Variants in DLGAP2 observed in about 807,000 individuals in gnomAD.
The protein encoded by DLGAP2 is disks large-associated protein 2.
In DLGAP2, 26 loss-of-function variants were observed where a neutral mutation model predicts 100.3. The ratio of observed to expected loss-of-function variants is 0.26; its 90% CI spans 0.19 to 0.36. The LOEUF (loss-of-function observed/expected upper bound fraction) is 0.36. DLGAP2 is among the 10% of genes least tolerant of loss of function. The pLI, the probability that DLGAP2 is intolerant of heterozygous loss-of-function variation, is 1.00. For synonymous variants in DLGAP2, 886 were observed against 630.1 expected, an observed-to-expected ratio of 1.41 and a Z score of -6.08; for missense variants, 1,858 against 1,453.2, an observed-to-expected ratio of 1.28 and a Z score of -4.53.
At chr8:1,165,337 C>T (rs1484840416) in intron 2 of DLGAP2, among the ~76,000 whole-genome samples, 1 of 152,162 alleles carries the variant, frequency 6.6e-6, no homozygotes, top group Admixed American at 6.5e-5. Flanking sequence ...AGCATCAGCC[C>T]TCAGGGCCCC....
chr8:1,504,388 A>T (rs1055938522), intron 4 of DLGAP2, among the ~76,000 whole-genome samples: 1 of 152,186 alleles, frequency 6.6e-6, no homozygotes, highest in African/African-American at 2.4e-5. Context: ...TCACATCCTT[A>T]TCATCACCTT....
At position 1,102,575 on chromosome 8, in the gene DLGAP2, G is replaced by A. The variant is rs1183116366; in HGVS notation, c.74-156276G>A. Among the ~76,000 whole-genome samples the A allele has an allele frequency of 2.0e-5, 3 of 148,982 alleles. No homozygotes were observed. In the East Asian group the frequency reaches 5.9e-4, roughly 29 times the overall value. On this transcript the variant is annotated intron_variant, in intron 2 of 14. Coordinates refer to ENST00000637795, the MANE Select transcript of DLGAP2 (RefSeq NM_001346810.2). ...CATTAATGTGTAGACATGGTCTCCT[G>A]AAGGCTCTGCACAAGTCCATGCAAT...
chr8:1,152,522 C>A (rs1796714040), intron 2 of DLGAP2, among the ~76,000 whole-genome samples: 1 of 152,162 alleles, frequency 6.6e-6, no homozygotes, highest in South Asian at 2.1e-4. Flanking sequence ...ATTCCTCTCC[C>A]AAAGGCCCTT....
intron 2 of DLGAP2, among the ~76,000 whole-genome samples, chr8:1,023,897 GTGTA>G (rs1465159109): frequency 2.0e-5 from 3 of 149,638 alleles, no homozygotes; most frequent in Non-Finnish European, 3.0e-5. Flanking sequence ...GTGTGTGTGT[GTGTA>G]GTTTGCTTCC....
At chr8:947,623 T>TG (rs1799361126) in intron 2 of DLGAP2, among the ~76,000 whole-genome samples, 1 of 152,314 alleles carries the variant, frequency 6.6e-6, no homozygotes, top group South Asian at 2.1e-4. Context: ...GGCTTCAGCC[T>TG]GGTCACCACC....
chr8:918,669 C>T (rs931669216), intron 2 of DLGAP2, among the ~76,000 whole-genome samples: 1 of 152,192 alleles, frequency 6.6e-6, no homozygotes, highest in Admixed American at 6.5e-5. Context: ...TCTGGGAAGA[C>T]AATTGTGTTA....
In DLGAP2 at chr8:917,432, C is replaced by T. The variant is rs369740533; in HGVS notation, c.73+9466C>T. Among the ~76,000 whole-genome samples the T allele has an allele frequency of 4.8e-3, 730 of 152,234 alleles. 11 individuals are homozygous for T. The highest frequency in any genetic ancestry group is 0.017 in the African/African-American group (707 of 41,534). ...TTTTGAATTTTTATAGAGGTGAAGT[C>T]TCCCTATAATCCCCAGGCTGCTCTC... On this transcript the variant is annotated intron_variant, in intron 2 of 14. Coordinates refer to ENST00000637795, the MANE Select transcript of DLGAP2 (RefSeq NM_001346810.2).
At chr8:1,027,062 C>T (rs930622229) in intron 2 of DLGAP2, among the ~76,000 whole-genome samples, 5 of 152,136 alleles carry the variant, frequency 3.3e-5, no homozygotes, top group African/African-American at 7.2e-5. Flanking sequence ...AATATGTGCC[C>T]ATAATGGCTG....
chr8:1,541,527 C>G lies in DLGAP2; in HGVS notation c.173-7099C>G, dbSNP rs572848132. Among the ~76,000 whole-genome samples the G allele has an allele frequency of 2.0e-5, 3 of 152,244 alleles. No individual in the cohort carries two copies. In the East Asian group the frequency reaches 5.8e-4, roughly 29 times the overall value. ...TTCCTGGGTGATGCTGAGGTATAGCCTCGGTTTAAAGCCCTTTGAACTATG... is the reference window on the plus strand; with the variant it reads ...TTCCTGGGTGATGCTGAGGTATAGCGTCGGTTTAAAGCCCTTTGAACTATG... On this transcript the variant is annotated intron_variant, in intron 4 of 14. Transcript: ENST00000637795.
chr8:1,676,053 A>T (rs1249157481), intron 10 of DLGAP2, among the ~76,000 whole-genome samples: 1 of 152,010 alleles, frequency 6.6e-6, no homozygotes, highest in Non-Finnish European at 1.5e-5. Context: ...GAAGGTGGAG[A>T]GTTTGCCTCT....
intron 1 of DLGAP2, among the ~76,000 whole-genome samples, chr8:759,613 C>T (rs1330282147): frequency 3.3e-5 from 5 of 151,990 alleles, no homozygotes; most frequent in South Asian, 2.1e-4. Context: ...TGCACGTTCC[C>T]GGGACTGGGA....
At position 950,450 on chromosome 8, in the gene DLGAP2, C is replaced by G. The variant is rs1799450088; in HGVS notation, c.73+42484C>G. ...GCGGGTCACGTCATGTCACTTGCAG[C>G]ACCATTTATGAAGGAACATTTGGTA... On this transcript the variant is annotated intron_variant, in intron 2 of 14. Transcript: ENST00000637795. Among the ~76,000 whole-genome samples the G allele has an allele frequency of 3.9e-5, 6 of 152,160 alleles. No homozygotes were observed. The South Asian group carries it at 1.2e-3, about 32-fold the overall frequency.
chr8:1,494,966 TAGAG>T (rs1393415388), intron 3 of DLGAP2, among the ~76,000 whole-genome samples: 2 of 152,178 alleles, frequency 1.3e-5, no homozygotes, highest in African/African-American at 4.8e-5. Context: ...GGTAGGGTGT[TAGAG>T]TGAGGTCCCG....
intron 3 of DLGAP2, among the ~76,000 whole-genome samples, 182 bp from the exon 4 acceptor site, chr8:1,501,184 A>G (rs1799710274): frequency 6.6e-6 from 1 of 152,166 alleles, no homozygotes; most frequent in Non-Finnish European, 1.5e-5. Flanking sequence ...TACAGAAAAC[A>G]CTGGTTGTTC....
At chr8:1,317,292 A>T in intron 3 of DLGAP2, among the ~76,000 whole-genome samples, 1 of 137,648 alleles carries the variant, frequency 7.3e-6, no homozygotes, top group African/African-American at 2.8e-5. Flanking sequence ...CACTCGAGAA[A>T]CTCGGCAGCT....
chr8:767,756 G>A (rs746904432), intron 1 of DLGAP2, among the ~76,000 whole-genome samples: 3 of 152,204 alleles, frequency 2.0e-5, no homozygotes, highest in Non-Finnish European at 4.4e-5. Context: ...GACACAGGCT[G>A]CTATCTGCAG....
chr8:1,508,189 G>T (rs1584966432), intron 4 of DLGAP2, among the ~76,000 whole-genome samples: 1 of 151,532 alleles, frequency 6.6e-6, no homozygotes, highest in Non-Finnish European at 1.5e-5. Context: ...GAATTTCTGG[G>T]GTGCATTTAC....
intron 3 of DLGAP2, among the ~76,000 whole-genome samples, chr8:1,442,780 C>T (rs1211573173): frequency 1.3e-5 from 2 of 148,850 alleles, no homozygotes; most frequent in Admixed American, 1.3e-4. Flanking sequence ...GGCATAGACC[C>T]ACCAGGCTGC....
In DLGAP2 at chr8:1,282,185, C is replaced by T. The variant is rs1006942038; in HGVS notation, c.106+23302C>T. The stretch of plus-strand genomic sequence containing the variant: ...GACGTGGTGTGACCTGAACCCAGCA[C>T]GTGAACCATCCGGACATGGTGTGAC... On this transcript the variant is annotated intron_variant, in intron 3 of 14. Transcript: ENST00000637795. Among the ~76,000 whole-genome samples the T allele has an allele frequency of 8.2e-5, 12 of 147,126 alleles. No homozygotes were observed. In the East Asian group the frequency reaches 1.4e-3, roughly 18 times the overall value.
Sources: allele counts gnomAD v4.1 joint callset (sites outside exome capture counted in the v4.1 genomes callset), GRCh38; gene constraint gnomAD v4.1.1; transcripts MANE v1.5; gene names NCBI Gene and HGNC (gene_info 2026-07-23, HGNC 2026-07-21).